The following LRP1B variants were observed in gnomAD, a reference collection of about 807,000 sequenced individuals.
The protein encoded by LRP1B is LDL receptor related protein 1B, also known as low-density lipoprotein receptor-related protein 1B.
In LRP1B, 217 loss-of-function variants were observed where a neutral mutation model predicts 556.6. That is an observed-to-expected ratio of 0.39 (90% CI 0.35 to 0.44). The LOEUF is 0.44. Ranked by LOEUF, LRP1B falls within the 20% of genes least tolerant of loss-of-function variation. The pLI, the probability that LRP1B is intolerant of heterozygous loss-of-function variation, is 1.00. For synonymous variants in LRP1B, 2,047 were observed against 1,865.8 expected (o/e 1.10, Z -2.50); for missense variants, 5,053 against 5,620.8 (o/e 0.90, Z 3.23).
intron 1 of LRP1B, among the ~76,000 whole-genome samples, chr2:141,820,448 G>A (rs977970818): frequency 6.6e-6 from 1 of 152,044 alleles, no homozygotes; most frequent in African/African-American, 2.4e-5. Context: ...AAAATGGGTG[G>A]CTTATTGAAA....
chr2:140,503,655 A>C (rs1005712771), intron 53 of LRP1B, among the ~76,000 whole-genome samples: 6 of 152,134 alleles, frequency 3.9e-5, no homozygotes, highest in African/African-American at 1.4e-4. Context: ...AGAGTCACTA[A>C]AAACTTTATT....
At chr2:140,843,379 G>T (rs1692180869) in intron 29 of LRP1B, among the ~76,000 whole-genome samples, 1 of 151,574 alleles carries the variant, frequency 6.6e-6, no homozygotes, top group African/African-American at 2.4e-5. Flanking sequence ...TTATTTTTCT[G>T]ACTACAGAGC....
intron 2 of LRP1B, among the ~76,000 whole-genome samples, chr2:141,582,747 C>G (rs1686992401): frequency 6.7e-6 from 1 of 148,554 alleles, no homozygotes; most frequent in Non-Finnish European, 1.5e-5. Flanking sequence ...TATCAAACAT[C>G]TATTGAAGCA....
intron 3 of LRP1B, among the ~76,000 whole-genome samples, chr2:141,307,822 T>C (rs1686654492): frequency 1.3e-5 from 2 of 152,148 alleles, no homozygotes; most frequent in Admixed American, 1.3e-4. Flanking sequence ...GTCGAGGTGC[T>C]GGCATTGGCA....
chr2:141,672,940 C>T (rs981677279), intron 2 of LRP1B, among the ~76,000 whole-genome samples: 1 of 152,180 alleles, frequency 6.6e-6, no homozygotes, highest in Admixed American at 6.5e-5. Context: ...CTGTGCCACT[C>T]TACCAAGCCC....
At chr2:140,623,699 A>C (rs1375388011) in intron 41 of LRP1B, among the ~76,000 whole-genome samples, 3 of 151,922 alleles carry the variant, frequency 2.0e-5, no homozygotes, top group Admixed American at 6.6e-5. Context: ...TGGGTGGATC[A>C]CCTGAGGTCA....
At chr2:141,618,604 GTCTC>G (rs1688393055) in intron 2 of LRP1B, among the ~76,000 whole-genome samples, 1 of 152,100 alleles carries the variant, frequency 6.6e-6, no homozygotes, top group Non-Finnish European at 1.5e-5. Flanking sequence ...TTTTTGATCT[GTCTC>G]TCTATCCAGA....
At chr2:140,351,206 TACTC>T (rs1262669281) in intron 76 of LRP1B, among the ~76,000 whole-genome samples, 168 bp from the exon 77 acceptor site, 7 of 152,074 alleles carry the variant, frequency 4.6e-5, no homozygotes, top group African/African-American at 1.4e-4. Context: ...TTATTTCTGA[TACTC>T]ACTTATCTAA....
rs1558858138 is a variant in LRP1B, at chr2:141,096,629, G to GAGGGA, written c.1014-34357_1014-34356insTCCCT. ...CTGAATGACAAAGACGGGGAGAGGG[G>GAGGGA]GAGAGAGAGAGAGAGAGAGAGAGAG... On this transcript the variant is annotated intron_variant, in intron 7 of 90. Transcript: ENST00000389484. 1.5e-3 allele frequency among the ~76,000 whole-genome samples: 92 copies of GAGGGA among 59,740 alleles called. 7 individuals carry two copies. Among genetic ancestry groups the GAGGGA allele is most frequent in the African/African-American group, 6.2e-3 (85 of 13,698 alleles). The allele number at this position is 59,740 out of a possible 152,430, so 39.2% of individuals were successfully genotyped here. A position where few individuals can be genotyped will look rare whatever the true frequency, so the allele number is the denominator to read the frequency against.
At chr2:141,349,197 T>A (rs1398279001) in intron 3 of LRP1B, among the ~76,000 whole-genome samples, 1 of 152,070 alleles carries the variant, frequency 6.6e-6, no homozygotes, top group Non-Finnish European at 1.5e-5. Context: ...TCACTAATAT[T>A]GATTGTAAAT....
At chr2:141,327,021 G>A (rs1573810110) in intron 3 of LRP1B, among the ~76,000 whole-genome samples, 1 of 152,102 alleles carries the variant, frequency 6.6e-6, no homozygotes, top group Non-Finnish European at 1.5e-5. Context: ...AAAAAAGGAA[G>A]GAGCTAACAA....
intron 2 of LRP1B, among the ~76,000 whole-genome samples, chr2:141,686,091 C>G (rs1258643005): frequency 6.6e-6 from 1 of 151,924 alleles, no homozygotes; most frequent in East Asian, 1.9e-4. Flanking sequence ...TAAATTTTGA[C>G]CCACTGAACT....
chr2:140,352,834 C>A, intron 76 of LRP1B, 119 bp downstream of exon 76: 2 of 985,758 alleles, frequency 2.0e-6, no homozygotes, highest in Non-Finnish European at 3.0e-6. Flanking sequence ...AATTAATCAT[C>A]ATTAAAAGTA....
intron 3 of LRP1B, among the ~76,000 whole-genome samples, chr2:141,476,196 G>A (rs913271605): frequency 1.3e-5 from 2 of 152,136 alleles, no homozygotes; most frequent in African/African-American, 4.8e-5. Flanking sequence ...CAACTCTGTC[G>A]CACATTCTGG....
intron 17 of LRP1B, among the ~76,000 whole-genome samples, chr2:140,983,974 T>C (rs531049298): frequency 6.6e-6 from 1 of 151,986 alleles, no homozygotes; most frequent in South Asian, 2.1e-4. Flanking sequence ...TATTTTCTGG[T>C]AAATTATTCT....
chr2:141,448,773 G>C (rs1272946299), intron 3 of LRP1B, among the ~76,000 whole-genome samples: 1 of 152,168 alleles, frequency 6.6e-6, no homozygotes, highest in African/African-American at 2.4e-5. Context: ...ATCTCAGTTG[G>C]AAATGCAGAA....
chr2:141,818,968 C>T (rs112515924), intron 1 of LRP1B, among the ~76,000 whole-genome samples: 2,501 of 151,496 alleles, frequency 0.017, 83 homozygotes, highest in African/African-American at 0.058. Flanking sequence ...TGGCCAGGTG[C>T]GGTGGCTCAC....
chr2:141,531,826 AT>A (rs1245825619), intron 2 of LRP1B, among the ~76,000 whole-genome samples: 1 of 149,990 alleles, frequency 6.7e-6, no homozygotes, highest in Non-Finnish European at 1.5e-5. Flanking sequence ...AGATGTCAAA[AT>A]TTTTTGTAGG....
At chr2:141,237,787 A>G (rs1286415587) in intron 5 of LRP1B, among the ~76,000 whole-genome samples, 2 of 152,120 alleles carry the variant, frequency 1.3e-5, no homozygotes, top group East Asian at 3.9e-4. Context: ...TTCATTTTGC[A>G]AACTGGCGGC....
Sources: gnomAD v4.1 joint callset for allele counts (sites outside exome capture counted in the v4.1 genomes callset) on GRCh38, gnomAD v4.1.1 for gene constraint, MANE v1.5 for transcripts, NCBI Gene and HGNC (gene_info 2026-07-23, HGNC 2026-07-21) for gene names.